PI16: variants seen among roughly 807,000 people sequenced by gnomAD.
The protein encoded by PI16 is PSP94-binding protein.
In PI16, 35 loss-of-function variants were observed where a neutral mutation model predicts 38.0. The observed-to-expected ratio is 0.92, with a 90% CI of 0.70 to 1.22. The LOEUF is 1.22. Among genes scored for constraint, PI16 ranks in the 50% most tolerant of loss-of-function variants. The pLI is 0.00. For synonymous variants in PI16, 275 were observed against 252.9 expected, an observed-to-expected ratio of 1.09 and a Z score of -0.83; for missense variants, 572 against 593.8, an observed-to-expected ratio of 0.96 and a Z score of 0.38.
In PI16 at chr6:36,963,373, C is replaced by A; in HGVS notation, c.1031C>A (p.Thr344Lys). Residue 344 changes from threonine to lysine, a missense_variant, in exon 5 of 7, where the codon ACA becomes AAA. Coordinates refer to ENST00000373674, the MANE Select transcript of PI16 (RefSeq NM_153370.3). ...ENSLDPKMSL[T>K]GARELLPHAQ... ...TCTCTGGACCCCAAGATGTCCCTGACAGGGGCAAGGGAACTCCTACCCCAT... is the reference window on the plus strand; with the variant it reads ...TCTCTGGACCCCAAGATGTCCCTGAAAGGGGCAAGGGAACTCCTACCCCAT... 3.1e-6 allele frequency: 5 copies of A among 1,614,210 alleles called. No individual in the cohort carries two copies. Among genetic ancestry groups the A allele is most frequent in the Non-Finnish European group, 4.2e-6 (5 of 1,180,030 alleles).
intron 1 of PI16, 29 bp downstream of exon 1, chr6:36,954,960 G>A (rs763506020): frequency 1.2e-6 from 2 of 1,604,430 alleles, no homozygotes; most frequent in South Asian, 2.2e-5. Context: ...CTTGCTGGCT[G>A]GGATGGAAGG....
chr6:36,963,442 G>C lies in PI16; in HGVS notation c.1100G>C (p.Ser367Thr). 6.2e-7 allele frequency: 1 copy of C among 1,614,210 alleles called. No individual in the cohort carries two copies. The highest frequency in any genetic ancestry group is 8.5e-7 in the Non-Finnish European group (1 of 1,180,038). Residue 367 changes from serine to threonine, a missense_variant, in exon 5 of 7, where the codon AGT (serine) becomes ACT (threonine). Ser to Thr is a moderately conservative substitution (Grantham distance 58). Transcript: ENST00000373674. ...AEAEAELPPS[S>T]EVLASVFPAQ... ...GCTGAGGCTGAGTTGCCTCCTTCCA[G>C]TGAGGTCTTGGCCTCAGTTTTTCCA...
intron 6 of PI16, 78 bp from the exon 7 acceptor site, chr6:36,964,308 C>A: frequency 5.2e-6 from 1 of 193,674 alleles, no homozygotes. Flanking sequence ...ACCCCCGGGC[C>A]CCTCCCAGTC....
At chr6:36,964,006 T>C (rs896398881) in intron 6 of PI16, 44 bp downstream of exon 6, 28 of 1,562,342 alleles carry the variant, frequency 1.8e-5, no homozygotes, top group Admixed American at 3.9e-5. Context: ...CCCACCTGGA[T>C]TGTCTTCCTC....
rs777470637 is a variant in PI16 at position 36,959,314 on chromosome 6, A to C, written c.341A>C (p.Asn114Thr). Residue 114 changes from asparagine (N) to threonine (T), a missense_variant, in exon 2 of 7, where the codon AAC (asparagine) becomes ACC (threonine). Coordinates refer to ENST00000373674, the MANE Select transcript of PI16 (RefSeq NM_153370.3). ...TGGCACCACGAGCGTGAGCACTACA[A>C]CCTCAGCGCCGCCACCTGCAGCCCA... ...EEWHHEREHY[N>T]LSAATCSPGQ... 3.2e-6 allele frequency: 5 copies of C among 1,581,278 alleles called. No homozygotes were observed. The highest frequency in any genetic ancestry group is 4.3e-6 in the Non-Finnish European group (5 of 1,164,140).
At chr6:36,950,170 C>T (rs956828114), upstream of PI16, among the ~76,000 whole-genome samples, 14 of 152,320 alleles carry the variant, frequency 9.2e-5, no homozygotes, top group South Asian at 2.5e-3. The surrounding 1 kb of genome is among the most constrained non-coding windows in gnomAD (Gnocchi z 4.2). Context: ...CAAACCTCTA[C>T]ACCACTAAAC....
chr6:36,958,376 G>A (rs950775284), intron 1 of PI16, among the ~76,000 whole-genome samples: 7 of 152,134 alleles, frequency 4.6e-5, no homozygotes, highest in African/African-American at 1.7e-4. Flanking sequence ...GGACACAATC[G>A]CAAAGGCCCC....
chr6:36,961,845 G>A lies in PI16; in HGVS notation c.504-41G>A, dbSNP rs764208579. 15 of 1,518,544 alleles carry A rather than the reference G, an allele frequency of 9.9e-6. No homozygotes were observed. In the Admixed American group the frequency reaches 2.3e-4, roughly 24 times the overall value. 94.1% of individuals were successfully genotyped at this position (1,518,544 alleles called of 1,614,324 possible). On this transcript the variant is annotated intron_variant, in intron 3 of 6. Transcript: ENST00000373674. ...AGGAGTTGGGGAGAGGGTTGGGAGG[G>A]GTCGACCCCCTCCCCGCAGCATCCT...
At chr6:36,955,038 C>T (rs1763168318) in intron 1 of PI16, 107 bp downstream of exon 1, 1 of 1,436,262 alleles carries the variant, frequency 7.0e-7, no homozygotes, top group Non-Finnish European at 9.1e-7. Flanking sequence ...TTTCAGAATT[C>T]CTCTCCTTTT....
Position 36,961,888 on chromosome 6 carries a change from G to A in PI16, c.506G>A (p.Gly169Glu). 1 of 1,613,850 alleles carries A rather than the reference G, an allele frequency of 6.2e-7. No individual in the cohort carries two copies. The change falls in exon 4 of 7, where the codon GGG becomes GAG. Residue 169 changes from glycine to glutamate, a missense_variant and splice_region_variant. Gly to Glu is a moderately conservative substitution (Grantham distance 98, BLOSUM62 -2). Coordinates refer to ENST00000373674, the MANE Select transcript of PI16 (RefSeq NM_153370.3). Reference sequence around the variant, plus strand: ...AGCATCCTCCTGACCTCCTGTAGGGGGAACGTGAAGGGGAAACGGCCCTAC... The same window carrying A: ...AGCATCCTCCTGACCTCCTGTAGGGAGAACGTGAAGGGGAAACGGCCCTAC... ...ELLVCNYEPP[G>E]NVKGKRPYQE...
In PI16 at chr6:36,962,259, G is replaced by A. The variant is rs1391327923; in HGVS notation, c.592+285G>A. Among the ~76,000 whole-genome samples the A allele has an allele frequency of 2.0e-5, 3 of 152,322 alleles. No individual in the cohort carries two copies. The highest frequency in any genetic ancestry group is 4.8e-5 in the African/African-American group (2 of 41,584). Reference sequence around the variant, plus strand: ...GAGGTGGGTGTCGCCACACTTTAGGGTCTCGAGGAGCGGGCTGGGGCCAGA... The same window carrying A: ...GAGGTGGGTGTCGCCACACTTTAGGATCTCGAGGAGCGGGCTGGGGCCAGA... On this transcript the variant is annotated intron_variant, in intron 4 of 6. Transcript: ENST00000373674. The surrounding 1 kb of genome is among the most constrained non-coding windows in gnomAD (Gnocchi z 4.1).
Position 36,961,985 on chromosome 6 carries a change from G to C in PI16, c.592+11G>C. Reference sequence around the variant, plus strand: ...AGAACTCCCTCTGTGGTGAGTCCACGGGTGGATGGGTAGGGGCAGGGGGTG... The same window carrying C: ...AGAACTCCCTCTGTGGTGAGTCCACCGGTGGATGGGTAGGGGCAGGGGGTG... On this transcript the variant is annotated intron_variant, in intron 4 of 6. Coordinates refer to ENST00000373674, the MANE Select transcript of PI16 (RefSeq NM_153370.3). The C allele has an allele frequency of 1.2e-6, 2 of 1,606,574 alleles. No individual in the cohort carries two copies. The highest frequency in any genetic ancestry group is 1.7e-6 in the Non-Finnish European group (2 of 1,173,246).
intron 1 of PI16, 67 bp downstream of exon 1, chr6:36,954,998 T>C (rs2150734063): frequency 6.6e-7 from 1 of 1,524,148 alleles, no homozygotes; most frequent in Non-Finnish European, 8.8e-7. Flanking sequence ...GTCACCAGGC[T>C]CTCTTACCCT....
In PI16 at chr6:36,962,974, A is replaced by G. The variant is rs1763413055; in HGVS notation, c.632A>G (p.Tyr211Cys). Residue 211 changes from tyrosine (Y) to cysteine (C), a missense_variant, in exon 5 of 7, where the codon TAC becomes TGC. By Grantham distance (194) the Tyr-to-Cys change is radical. Coordinates refer to ENST00000373674, the MANE Select transcript of PI16 (RefSeq NM_153370.3). The surrounding 1 kb of genome is among the most constrained non-coding windows in gnomAD (Gnocchi z 4.1). ...CCGGAAGATGCTCAGGATTTGCCTT[A>G]CCTGGTAACTGAGGCCCCATCCTTC... ...GSPEDAQDLP[Y>C]LVTEAPSFRA... 2.5e-6 allele frequency: 4 copies of G among 1,613,994 alleles called. No individual in the cohort carries two copies. The South Asian group carries it at 4.4e-5, about 18-fold the overall frequency.
upstream of PI16, among the ~76,000 whole-genome samples, chr6:36,953,519 A>AGTGT (rs61386206): frequency 2.6e-5 from 4 of 151,030 alleles, no homozygotes; most frequent in African/African-American, 7.3e-5. Flanking sequence ...AATTCTAATA[A>AGTGT]GTGTGTGTGT....
At chr6:36,948,632 T>G (rs1763050255) in intron 1 of PI16, among the ~76,000 whole-genome samples, 1 of 95,576 alleles carries the variant, frequency 1.0e-5, no homozygotes. Context: ...CCTTCCTTCC[T>G]CCTTCCCTCC....
upstream of PI16, among the ~76,000 whole-genome samples, chr6:36,949,836 C>A (rs1172245875): frequency 6.6e-6 from 1 of 151,954 alleles, no homozygotes; most frequent in Non-Finnish European, 1.5e-5. Flanking sequence ...GTCTGTTGCT[C>A]ATGGTGACTC....
chr6:36,959,870 A>C (rs1373852603), intron 2 of PI16, among the ~76,000 whole-genome samples: 2 of 52,842 alleles, frequency 3.8e-5, no homozygotes, highest in Non-Finnish European at 6.7e-5. Context: ...CCTGTCTCAA[A>C]AAAAAAAAAA....
chr6:36,954,524 G>A (rs1356720575), upstream of PI16: 2 of 530,528 alleles, frequency 3.8e-6, no homozygotes, highest in African/African-American at 3.8e-5. Flanking sequence ...ACAGCTTTTG[G>A]CCTGAGCCCC....
Sources: gnomAD v4.1 joint callset for allele counts (sites outside exome capture counted in the v4.1 genomes callset) on GRCh38, gnomAD v4.1.1 for gene constraint, Gnocchi (gnomAD v3.1) non-coding constraint, MANE v1.5 for transcripts, NCBI Gene and HGNC (gene_info 2026-07-23, HGNC 2026-07-21) for gene names.